KIF4A: variants seen among roughly 807,000 people sequenced by gnomAD.
KIF4A encodes kinesin family member 4A.
Under a neutral mutation model 105.9 loss-of-function variants are expected in KIF4A, and 7 were observed. The observed-to-expected ratio is 0.07, with a 90% confidence interval of 0.04 to 0.12. The LOEUF is 0.12. Ranked by LOEUF, KIF4A falls within the 10% of genes least tolerant of loss-of-function variation. The pLI is 1.00. For missense variants in KIF4A, 558 were observed against 929.2 expected (o/e 0.60, Z 5.19); for synonymous variants, 281 against 331.3 (o/e 0.85, Z 1.65).
chrX:70,312,489 CT>C (rs915798238), intron 7 of KIF4A, among the ~76,000 whole-genome samples: 2 of 111,621 alleles, frequency 1.8e-5, no homozygotes, highest in Non-Finnish European at 3.8e-5. Flanking sequence ...CTCCATCTTT[CT>C]TTACCCCTCA....
intron 7 of KIF4A, among the ~76,000 whole-genome samples, chrX:70,323,648 A>G (rs1291481041): frequency 1.8e-5 from 2 of 110,927 alleles, no homozygotes; most frequent in Non-Finnish European, 3.8e-5. Flanking sequence ...CCCTATACCT[A>G]TAGTAAAATT....
intron 1 of KIF4A, 133 bp downstream of exon 1, chrX:70,290,283 A>C (rs934667087): frequency 1.7e-6 from 1 of 572,504 alleles, no homozygotes; most frequent in African/African-American, 2.3e-5. Flanking sequence ...TTTAGAGTGC[A>C]GGGCTGACGG....
intron 19 of KIF4A, 40 bp from the exon 20 acceptor site, chrX:70,387,144 T>A: frequency 1.1e-6 from 1 of 902,200 alleles, no homozygotes. Context: ...TTTTTTTTTT[T>A]ACCATTCATT....
chrX:70,324,385 A>G (rs760771443), intron 7 of KIF4A, among the ~76,000 whole-genome samples: 28 of 112,419 alleles, frequency 2.5e-4, no homozygotes, highest in Non-Finnish European at 4.5e-4. Flanking sequence ...CCTTAACACA[A>G]TAGGTATTCT....
intron 15 of KIF4A, among the ~76,000 whole-genome samples, chrX:70,359,960 T>C (rs2086068016): frequency 9.0e-6 from 1 of 111,649 alleles, no homozygotes; most frequent in Admixed American, 9.5e-5. Context: ...AGCCAAAGGT[T>C]TCATGCCTGG....
At chrX:70,390,405 G>A (rs943590110) in intron 20 of KIF4A, among the ~76,000 whole-genome samples, 4 of 111,647 alleles carry the variant, frequency 3.6e-5, no homozygotes, top group Admixed American at 9.6e-5. Flanking sequence ...GTTTTTCACC[G>A]TAAAGTATGA....
Position 70,314,338 on chromosome X carries a change from G to T in KIF4A, c.778+11940G>T, listed in dbSNP as rs777934001. 1.9e-4 allele frequency among the ~76,000 whole-genome samples: 21 copies of T among 112,152 alleles called. No homozygotes were observed. In the South Asian group the frequency reaches 7.5e-3, roughly 40 times the overall value. ...ATGGCCCGGCAGAATATTGTTACAT[G>T]TTGCATTACTGTGGATTGGGGGAAA... On this transcript the variant is annotated intron_variant, in intron 7 of 30. Coordinates refer to ENST00000374403, the MANE Select transcript of KIF4A (RefSeq NM_012310.5).
chrX:70,378,148 G>C (rs2086182326), intron 18 of KIF4A, among the ~76,000 whole-genome samples: 1 of 111,771 alleles, frequency 8.9e-6, no homozygotes, highest in Non-Finnish European at 1.9e-5. Context: ...AAACTTATGA[G>C]ATACAGCTAA....
chrX:70,387,018 G>A (rs1925927), intron 19 of KIF4A, among the ~76,000 whole-genome samples, 166 bp from the exon 20 acceptor site: 1,855 of 111,869 alleles, frequency 0.017, 37 homozygotes, highest in African/African-American at 0.057. Flanking sequence ...CCTCCCCTAG[G>A]CACCAAAGCA....
At chrX:70,405,757 T>C (rs1264462005) in intron 25 of KIF4A, 71 bp from the exon 26 acceptor site, 6 of 747,602 alleles carry the variant, frequency 8.0e-6, no homozygotes, top group Non-Finnish European at 1.3e-5. Context: ...TTTTCATCTA[T>C]GTGAGTTGTT....
At chrX:70,335,039 C>G (rs1174896342) in intron 10 of KIF4A, among the ~76,000 whole-genome samples, 1 of 111,873 alleles carries the variant, frequency 8.9e-6, no homozygotes, top group East Asian at 2.8e-4. Flanking sequence ...AATCCCACTT[C>G]TGTTTATATA....
chrX:70,372,504 G>A (rs1047283415), intron 15 of KIF4A, among the ~76,000 whole-genome samples: 10 of 114,260 alleles, frequency 8.8e-5, no homozygotes, highest in Non-Finnish European at 1.7e-4. Flanking sequence ...CCAGTCAGGC[G>A]TGGTGGCGCG....
chrX:70,347,974 C>CAAAAAAAAAAAAAAAAAAAAAAAA (rs61178799), intron 13 of KIF4A, among the ~76,000 whole-genome samples: 1 of 23,161 alleles, frequency 4.3e-5, no homozygotes, highest in African/African-American at 2.5e-4. Context: ...GACTCCGTCT[C>CAAAAAAAAAAAAAAAAAAAAAAAA]AAAAAAAAAA....
chrX:70,405,740 C>T, intron 25 of KIF4A, 88 bp from the exon 26 acceptor site: 1 of 644,727 alleles, frequency 1.6e-6, no homozygotes, highest in Non-Finnish European at 2.6e-6. Context: ...AACTTGGCAG[C>T]AGTATGTTTT....
chrX:70,306,593 G>A (rs1295883724), intron 7 of KIF4A, among the ~76,000 whole-genome samples: 6 of 110,793 alleles, frequency 5.4e-5, no homozygotes, highest in Non-Finnish European at 1.1e-4. Flanking sequence ...CTGGAGTGCA[G>A]TGGTGTGATC....
chrX:70,352,702 G>A (rs769662693), intron 14 of KIF4A, 46 bp downstream of exon 14: 15 of 886,954 alleles, frequency 1.7e-5, no homozygotes, highest in Admixed American at 7.2e-5. Flanking sequence ...TCTAACTGCC[G>A]TTTCCTATAA....
At chrX:70,363,962 G>A (rs1302836841) in intron 15 of KIF4A, among the ~76,000 whole-genome samples, 1 of 112,087 alleles carries the variant, frequency 8.9e-6, no homozygotes, top group Non-Finnish European at 1.9e-5. Context: ...TCTCATTGTG[G>A]TTTTGATTTG....
chrX:70,357,958 T>C (rs1450850746), intron 15 of KIF4A, among the ~76,000 whole-genome samples: 2 of 111,459 alleles, frequency 1.8e-5, no homozygotes, highest in Non-Finnish European at 3.8e-5. Flanking sequence ...TTACCCAGGC[T>C]GGAGTGCAGT....
chrX:70,380,304 T>C (rs1246974495), intron 18 of KIF4A, among the ~76,000 whole-genome samples: 1 of 109,615 alleles, frequency 9.1e-6, no homozygotes, highest in Non-Finnish European at 1.9e-5. Context: ...TGAGACACTG[T>C]CTCAAAAAAA....
Sources: gnomAD v4.1 joint callset for allele counts (sites outside exome capture counted in the v4.1 genomes callset) on GRCh38, gnomAD v4.1.1 for gene constraint, MANE v1.5 for transcripts, NCBI Gene and HGNC (gene_info 2026-07-23, HGNC 2026-07-21) for gene names.